The following JARID2 variants were observed in gnomAD, a reference collection of about 807,000 sequenced individuals.
JARID2 encodes the protein protein Jumonji.
Under a neutral mutation model 125.6 loss-of-function variants are expected in JARID2, and 21 were observed. That is an observed-to-expected ratio of 0.17 (90% CI 0.12 to 0.24). The LOEUF is 0.24. JARID2 is among the 10% of genes least tolerant of loss of function. The pLI is 1.00. For synonymous variants in JARID2, 736 were observed against 661.6 expected (o/e 1.11, Z -1.73); for missense variants, 1,303 against 1,639.6 (o/e 0.79, Z 3.55).
intron 4 of JARID2, among the ~76,000 whole-genome samples, chr6:15,465,953 A>G (rs1768711626): frequency 6.6e-6 from 1 of 151,948 alleles, no homozygotes; most frequent in African/African-American, 2.4e-5. Context: ...ACAGACATGC[A>G]TCACCATGCC....
chr6:15,357,806 C>T (rs1354091477), intron 1 of JARID2, among the ~76,000 whole-genome samples: 2 of 152,208 alleles, frequency 1.3e-5, no homozygotes, highest in Non-Finnish European at 2.9e-5. Flanking sequence ...ACGACACTGG[C>T]ATGCTGTATA....
At chr6:15,418,449 C>T (rs964753752) in intron 3 of JARID2, among the ~76,000 whole-genome samples, 1 of 152,156 alleles carries the variant, frequency 6.6e-6, no homozygotes, top group African/African-American at 2.4e-5. Flanking sequence ...CTCCTAACCT[C>T]GTGATCGCCC....
chr6:15,452,776 C>T (rs1767979616), intron 4 of JARID2, among the ~76,000 whole-genome samples: 1 of 152,188 alleles, frequency 6.6e-6, no homozygotes, highest in Non-Finnish European at 1.5e-5. Flanking sequence ...GTGTTTGTTG[C>T]AGTTTCCTTA....
In JARID2 at chr6:15,496,541, ACTC is replaced by A; in HGVS notation, c.1318_1320del (p.Ser440del). The A allele has an allele frequency of 6.2e-7, 1 of 1,608,080 alleles. No homozygotes were observed. Among genetic ancestry groups the A allele is most frequent in the Non-Finnish European group, 8.5e-7 (1 of 1,178,052 alleles). Reference sequence around the variant, plus strand: ...CTGCAGCTGCGGGAGGGGCTGCGGAACTCCAAGAGGAGACTGGAAGAGGCACAC... The same window carrying A: ...CTGCAGCTGCGGGAGGGGCTGCGGAACAAGAGGAGACTGGAAGAGGCACAC... On this transcript the variant is annotated inframe_deletion, in exon 7 of 18. Coordinates refer to ENST00000341776, the MANE Select transcript of JARID2 (RefSeq NM_004973.4).
chr6:15,472,022 T>A (rs1015027621), intron 5 of JARID2, among the ~76,000 whole-genome samples: 4 of 152,254 alleles, frequency 2.6e-5, no homozygotes, highest in South Asian at 4.1e-4. Context: ...AAAATTTTTT[T>A]AATTTTAAAA....
chr6:15,494,801 G>A lies in JARID2; in HGVS notation c.907-1331G>A, dbSNP rs942678575. Reference sequence around the variant, plus strand: ...CATTACCCGCCATCTGGGGACCTTCGTCCCCATGTGACAGCAGCCTGCACA... The same window carrying A: ...CATTACCCGCCATCTGGGGACCTTCATCCCCATGTGACAGCAGCCTGCACA... On this transcript the variant is annotated intron_variant, in intron 6 of 17. Transcript: ENST00000341776. 4.6e-5 allele frequency among the ~76,000 whole-genome samples: 7 copies of A among 152,150 alleles called. No homozygotes were observed. The East Asian group carries it at 5.8e-4, about 13-fold the overall frequency.
At chr6:15,479,210 G>A (rs1487824655) in intron 5 of JARID2, among the ~76,000 whole-genome samples, 1 of 152,154 alleles carries the variant, frequency 6.6e-6, no homozygotes, top group African/African-American at 2.4e-5. Flanking sequence ...CACAGGCCGC[G>A]GGGCTAGTAA....
At chr6:15,394,454 G>A (rs1765142614) in intron 2 of JARID2, among the ~76,000 whole-genome samples, 1 of 152,116 alleles carries the variant, frequency 6.6e-6, no homozygotes, top group Admixed American at 6.6e-5. Context: ...TAAAAAATTA[G>A]CTGGGTGTGG....
chr6:15,424,598 C>T (rs1445585765), intron 3 of JARID2, among the ~76,000 whole-genome samples: 1 of 152,158 alleles, frequency 6.6e-6, no homozygotes, highest in Non-Finnish European at 1.5e-5. Context: ...TGGCTCACGC[C>T]TGTAATCCCA....
chr6:15,457,812 A>G (rs961712151), intron 4 of JARID2, among the ~76,000 whole-genome samples: 1 of 152,158 alleles, frequency 6.6e-6, no homozygotes, highest in Non-Finnish European at 1.5e-5. Context: ...TGGGATTAGT[A>G]TAGATATGTA....
At chr6:15,391,691 T>C (rs1581494598) in intron 2 of JARID2, among the ~76,000 whole-genome samples, 3 of 152,220 alleles carry the variant, frequency 2.0e-5, no homozygotes, top group Non-Finnish European at 4.4e-5. Context: ...AAATTTGATA[T>C]GTTGGAATGG....
At chr6:15,483,436 A>G (rs1157950573) in intron 5 of JARID2, among the ~76,000 whole-genome samples, 2 of 151,706 alleles carry the variant, frequency 1.3e-5, no homozygotes, top group Admixed American at 6.6e-5. Context: ...TGAAATGCAT[A>G]TTAGACTAGT....
intron 1 of JARID2, among the ~76,000 whole-genome samples, chr6:15,373,332 ACTGGAATTG>A (rs1764239480): frequency 6.6e-6 from 1 of 151,970 alleles, no homozygotes; most frequent in Non-Finnish European, 1.5e-5. Context: ...TATCTTTATG[ACTGGAATTG>A]CTGGAATAGT....
rs181155179 is a variant in JARID2 at position 15,472,501 on chromosome 6, C to T, written c.670+3783C>T. On this transcript the variant is annotated intron_variant, in intron 5 of 17. Transcript: ENST00000341776. ...TAGATTGATGTCATCTGTGATTAGG[C>T]CTGCCCCCAACCTCCAAGTGTCTAC... 3.8e-3 allele frequency among the ~76,000 whole-genome samples: 584 copies of T among 152,284 alleles called. 5 individuals are homozygous for T. Among genetic ancestry groups the T allele is most frequent in the African/African-American group, 0.014 (565 of 41,552 alleles).
chr6:15,309,583 A>G (rs1053887141), intron 1 of JARID2, among the ~76,000 whole-genome samples: 4 of 152,124 alleles, frequency 2.6e-5, no homozygotes, highest in Non-Finnish European at 5.9e-5. Context: ...AGAAAACAGT[A>G]TTTACAGTTT....
chr6:15,437,049 C>T (rs892267451), intron 3 of JARID2, among the ~76,000 whole-genome samples: 4 of 152,050 alleles, frequency 2.6e-5, no homozygotes, highest in African/African-American at 7.2e-5. Context: ...TGTGATTTTA[C>T]GGTTTTACTG....
intron 1 of JARID2, among the ~76,000 whole-genome samples, chr6:15,266,854 G>A (rs960589082): frequency 6.6e-6 from 1 of 152,170 alleles, no homozygotes; most frequent in Non-Finnish European, 1.5e-5. Flanking sequence ...CAATCAGGGC[G>A]CCAGCTGACC....
At chr6:15,262,388 TTA>T (rs1759917308) in intron 1 of JARID2, among the ~76,000 whole-genome samples, 1 of 152,172 alleles carries the variant, frequency 6.6e-6, no homozygotes, top group Non-Finnish European at 1.5e-5. Flanking sequence ...TCTTTTAAAA[TTA>T]TGTTTCTAAA....
At chr6:15,467,186 T>A (rs1168544055) in intron 4 of JARID2, among the ~76,000 whole-genome samples, 1 of 152,224 alleles carries the variant, frequency 6.6e-6, no homozygotes, top group African/African-American at 2.4e-5. Flanking sequence ...CAGCTCCTGA[T>A]ACTGCTCATT....
Sources: allele counts gnomAD v4.1 joint callset (sites outside exome capture counted in the v4.1 genomes callset), GRCh38; gene constraint gnomAD v4.1.1; transcripts MANE v1.5; gene names NCBI Gene and HGNC (gene_info 2026-07-23, HGNC 2026-07-21).